The following VWF variants were observed in gnomAD, a reference collection of about 807,000 sequenced individuals.
The protein encoded by VWF is von Willebrand factor, also known as Factor VIII related antigen.
VWF carries 176 observed loss-of-function variants against 308.6 expected under a neutral mutation model. The observed-to-expected ratio is 0.57, with a 90% CI of 0.50 to 0.65. VWF has a LOEUF of 0.65. Among genes scored for constraint, VWF ranks in the 30% least tolerant of loss-of-function variants. VWF has a pLI of 0.00. For synonymous variants in VWF, 1,385 were observed against 1,443.4 expected (o/e 0.96, Z 0.92); for missense variants, 3,146 against 3,648.2 (o/e 0.86, Z 3.55).
At position 6,011,618 on chromosome 12, in the gene VWF, G is replaced by T. The variant is rs1264972824; in HGVS notation, c.5841C>A (p.Pro1947=). The change falls in exon 34 of 52, where the codon CCC becomes CCA. Residue 1947 remains proline (P), a splice_region_variant and synonymous_variant. Coordinates refer to ENST00000261405, the MANE Select transcript of VWF (RefSeq NM_000552.5). ...TGGCTGGAGAAGCAAAGGACTCACA[G>T]GGGCAGGTCCAGCGGCAGCCACAGG... The part of the protein sequence containing the change: ...EETCGCRWTC[P]CVCTGSSTRH... 6.2e-7 allele frequency: 1 copy of T among 1,607,182 alleles called. No homozygotes were observed. The highest frequency in any genetic ancestry group is 8.5e-7 in the Non-Finnish European group (1 of 1,177,692).
Position 6,016,830 on chromosome 12 carries a change from G to C in VWF, c.5094C>G (p.Gly1698=), listed in dbSNP as rs949738270. The C allele has an allele frequency of 1.2e-6, 2 of 1,613,992 alleles. No individual in the cohort carries two copies. Among genetic ancestry groups the C allele is most frequent in the African/African-American group, 2.7e-5 (2 of 74,938 alleles). ...QPLDVILLLD[G]SSSFPASYFD... is the part of the protein sequence containing the mutation. ...AATAAGAAGCTGGGAAACTGGAGGAGCCATCCAGGAGAAGGATCACGTCCA... is the reference window on the plus strand; with the variant it reads ...AATAAGAAGCTGGGAAACTGGAGGACCCATCCAGGAGAAGGATCACGTCCA... The change falls in exon 29 of 52, where the codon GGC becomes GGG. Residue 1698 remains glycine, a synonymous_variant. Transcript: ENST00000261405.
Position 6,058,189 on chromosome 12 carries a change from A to G in VWF, c.1534-145T>C. On this transcript the variant is annotated intron_variant, in intron 13 of 51. Transcript: ENST00000261405. This position sits in a 1 kb window ranked among gnomAD's most constrained non-coding sequence, Gnocchi z 4.9. Reference sequence around the variant, plus strand: ...ATGTAATAAAAGGCAGCTAAGCCCTAGGCTGCAAAAGGGGGGGCGGGGGAA... The same window carrying G: ...ATGTAATAAAAGGCAGCTAAGCCCTGGGCTGCAAAAGGGGGGGCGGGGGAA... The G allele has an allele frequency of 1.1e-6, 1 of 892,842 alleles. No homozygotes were observed. Among genetic ancestry groups the G allele is most frequent in the Non-Finnish European group, 1.7e-6 (1 of 596,238 alleles). The allele number at this position is 892,842 out of a possible 1,614,324, so 55.3% of individuals were successfully genotyped here. A position where few individuals can be genotyped will look rare whatever the true frequency, so the allele number is the denominator to read the frequency against.
At chr12:6,080,304 T>C (rs1179085984) in intron 6 of VWF, among the ~76,000 whole-genome samples, 1 of 151,988 alleles carries the variant, frequency 6.6e-6, no homozygotes, top group Non-Finnish European at 1.5e-5. Flanking sequence ...CAGACAGGAG[T>C]AAGTCATGCC....
At chr12:6,015,981 A>T in intron 31 of VWF, 108 bp downstream of exon 31, 4 of 1,440,982 alleles carry the variant, frequency 2.8e-6, no homozygotes, top group Non-Finnish European at 3.9e-6. Flanking sequence ...TATTGAGCAT[A>T]TTTAATATCA....
intron 38 of VWF, among the ~76,000 whole-genome samples, chr12:5,991,128 C>T (rs987319952): frequency 6.7e-6 from 1 of 149,714 alleles, no homozygotes; most frequent in African/African-American, 2.5e-5. Context: ...ACACAGGATA[C>T]AATAATGTAT....
At chr12:5,971,553 G>A in intron 44 of VWF, 46 bp downstream of exon 44, 1 of 1,482,744 alleles carries the variant, frequency 6.7e-7, no homozygotes, top group South Asian at 1.1e-5. Context: ...GGTCCCTGGA[G>A]TGGCCCCAAT....
In VWF at chr12:5,955,631, G is replaced by A. The variant is rs576743161; in HGVS notation, c.7888-2037C>T. On this transcript the variant is annotated intron_variant, in intron 47 of 51. Coordinates refer to ENST00000261405, the MANE Select transcript of VWF (RefSeq NM_000552.5). The stretch of plus-strand genomic sequence containing the variant: ...CCAGTCTATCATTGTTGGACATATG[G>A]GTTGGTTCCAAGTCTTTGCTATTGT... Among the ~76,000 whole-genome samples, 4 of 152,002 alleles carry A rather than the reference G, an allele frequency of 2.6e-5. No individual in the cohort carries two copies. The East Asian group carries it at 7.8e-4, about 30-fold the overall frequency.
chr12:6,057,162 TG>T, intron 14 of VWF, 90 bp from the exon 15 acceptor site: 1 of 1,243,412 alleles, frequency 8.0e-7, no homozygotes, highest in Non-Finnish European at 1.1e-6. Context: ...AATAGCCCAG[TG>T]CTGCTAATAG....
chr12:5,998,769 C>T (rs1055227571), intron 34 of VWF, among the ~76,000 whole-genome samples: 1 of 151,772 alleles, frequency 6.6e-6, no homozygotes, highest in Non-Finnish European at 1.5e-5. Flanking sequence ...CTCTTGTCAC[C>T]AAGGCCAGAG....
At chr12:6,074,184 C>A (rs1944813787) in intron 7 of VWF, among the ~76,000 whole-genome samples, 1 of 152,120 alleles carries the variant, frequency 6.6e-6, no homozygotes, top group Non-Finnish European at 1.5e-5. Context: ...ATGCCCCACC[C>A]AGCACAGGGC....
chr12:6,101,194 T>A (rs958060173), intron 5 of VWF, among the ~76,000 whole-genome samples: 1 of 152,234 alleles, frequency 6.6e-6, no homozygotes, highest in African/African-American at 2.4e-5. Context: ...AGAAGATAGA[T>A]CTAAGTAGAG....
intron 5 of VWF, among the ~76,000 whole-genome samples, chr12:6,108,448 G>T (rs182369699): frequency 2.2e-4 from 33 of 151,146 alleles, no homozygotes; most frequent in African/African-American, 7.7e-4. Context: ...TTAGTAATGG[G>T]TCATTAATAA....
chr12:6,019,655 TGGGGCTCACC>T lies in VWF; in HGVS notation c.3753_3762del (p.Val1252ProfsTer42). 1 of 1,613,622 alleles carries T rather than the reference TGGGGCTCACC, an allele frequency of 6.2e-7. No homozygotes were observed. On this transcript the variant is annotated frameshift_variant, in exon 28 of 52. Coordinates refer to ENST00000261405, the MANE Select transcript of VWF (RefSeq NM_000552.5). LOFTEE classifies it high-confidence loss of function. The surrounding 1 kb of genome is among the most constrained non-coding windows in gnomAD (Gnocchi z 5.8). ...GAGATGTCCTCCACATACAGAGTGG[TGGGGCTCACC>T]GGGGCATCTGTGGGAGGCACCACCA...
chr12:6,117,299 C>T (rs1945378338), intron 3 of VWF, among the ~76,000 whole-genome samples: 1 of 152,202 alleles, frequency 6.6e-6, no homozygotes, highest in Non-Finnish European at 1.5e-5. Context: ...CTTCAAATTC[C>T]TCTGTGACCA....
intron 16 of VWF, among the ~76,000 whole-genome samples, chr12:6,051,911 C>A (rs1944518388): frequency 6.6e-6 from 1 of 152,224 alleles, no homozygotes; most frequent in African/African-American, 2.4e-5. Context: ...CTGCCCCAGC[C>A]TGGCTCATCT....
chr12:5,952,455 T>C lies in VWF; in HGVS notation c.8051A>G (p.Tyr2684Cys). Residue 2684 changes from tyrosine to cysteine, a missense_variant, in exon 49 of 52, where the codon TAC (tyrosine) becomes TGC (cysteine). Tyr to Cys is a radical substitution (Grantham distance 194, BLOSUM62 -2). This residue lies in a region of VWF where 989 missense variants were observed against 1,117.4 expected (regional missense o/e 0.89). Transcript: ENST00000261405. ...GCCTGTGACCCTCTTCTCCCAGAAG[T>C]ACTCTCCTCTCTCATTGACCTTGCA... Reference protein sequence around the residue: ...HFCKVNERGEYFWEKRVTGCP... With the variant: ...HFCKVNERGECFWEKRVTGCP... 1 of 1,614,178 alleles carries C rather than the reference T, an allele frequency of 6.2e-7. No individual in the cohort carries two copies. The highest frequency in any genetic ancestry group is 8.5e-7 in the Non-Finnish European group (1 of 1,180,002).
Position 6,018,404 on chromosome 12 carries a change from C to T in VWF, c.5014G>A (p.Gly1672Arg), listed in dbSNP as rs61750598. 303 of 1,612,262 alleles carry T rather than the reference C, an allele frequency of 1.9e-4. No homozygotes were observed. Among genetic ancestry groups the T allele is most frequent in the East Asian group, 1.9e-3 (83 of 44,816 alleles). Residue 1672 changes from glycine (G) to arginine (R), a missense_variant, in exon 28 of 52, where the codon GGA becomes AGA. This residue lies in a region of VWF where 853 missense variants were observed against 1,177.8 expected (regional missense o/e 0.72). Coordinates refer to ENST00000261405, the MANE Select transcript of VWF (RefSeq NM_000552.5). Reference protein sequence around the residue: ...PDLVLQRCCSGEGLQIPTLSP... With the variant: ...PDLVLQRCCSREGLQIPTLSP... ...AGGGTGGGGATCTGCAGCCCCTCTC[C>T]GGAGCAGCACCTCTGCAGCACCAGG...
At chr12:6,066,549 G>A (rs1299352537) in intron 10 of VWF, among the ~76,000 whole-genome samples, 8 of 152,354 alleles carry the variant, frequency 5.3e-5, no homozygotes, top group African/African-American at 1.9e-4. Flanking sequence ...GGCTTCCCCT[G>A]AGACCCTCCA....
chr12:5,976,381 G>A, intron 42 of VWF, 121 bp from the exon 43 acceptor site: 1 of 1,304,364 alleles, frequency 7.7e-7, no homozygotes. Flanking sequence ...AAAACCAAAT[G>A]TGGTCTCCGC....
Sources: allele counts gnomAD v4.1 joint callset (sites outside exome capture counted in the v4.1 genomes callset), GRCh38; gene constraint gnomAD v4.1.1; regional missense constraint gnomAD v4.1.1; non-coding constraint Gnocchi (gnomAD v3.1); transcripts MANE v1.5; gene names NCBI Gene and HGNC (gene_info 2026-07-23, HGNC 2026-07-21).